MSH4: variants seen among roughly 807,000 people sequenced by gnomAD.
The protein encoded by MSH4 is mutS protein homolog 4.
In MSH4, 106 loss-of-function variants were observed where a neutral mutation model predicts 113.7. That is an observed-to-expected ratio of 0.93 (90% CI 0.80 to 1.10). The LOEUF (loss-of-function observed/expected upper bound fraction) is 1.10. MSH4 is among the 50% of genes least tolerant of loss of function. The pLI, the probability that MSH4 is intolerant of heterozygous loss-of-function variation, is 0.00. For synonymous variants in MSH4, 368 were observed against 380.2 expected, an observed-to-expected ratio of 0.97 and a Z score of 0.37; for missense variants, 1,061 against 1,093.7, an observed-to-expected ratio of 0.97 and a Z score of 0.42.
chr1:75,877,909 G>A (rs1379243509), intron 10 of MSH4, among the ~76,000 whole-genome samples: 1 of 152,184 alleles, frequency 6.6e-6, no homozygotes, highest in East Asian at 1.9e-4. Context: ...TCTATTAGCA[G>A]ATGTAGAATT....
chr1:75,813,068 G>A (rs1036475499), intron 4 of MSH4, among the ~76,000 whole-genome samples: 5 of 152,122 alleles, frequency 3.3e-5, no homozygotes, highest in African/African-American at 1.2e-4. Context: ...ACTTCTATGA[G>A]ATTTAAGAAG....
At position 75,906,512 on chromosome 1, in the gene MSH4, ATAATATGTAT is replaced by A. The variant is rs1652649057; in HGVS notation, c.2620-6183_2620-6174del. 3.4e-3 allele frequency among the ~76,000 whole-genome samples: 2 copies of A among 596 alleles called. 1 individual carries two copies. The highest frequency in any genetic ancestry group is 0.5 in the South Asian group (2 of 4). 0.4% of individuals were successfully genotyped at this position (596 alleles called of 152,430 possible). A position where few individuals can be genotyped will look rare whatever the true frequency, so the allele number is the denominator to read the frequency against. On this transcript the variant is annotated intron_variant, in intron 19 of 19. Transcript: ENST00000263187. ...ATTATATATTATATATATATAATATATAATATGTATATATTATATATAATATATATAATAT... is the reference window on the plus strand; with the variant it reads ...ATTATATATTATATATATATAATATAATATTATATATAATATATATAATAT...
At chr1:75,830,737 G>T (rs965825515) in intron 7 of MSH4, among the ~76,000 whole-genome samples, 2 of 152,146 alleles carry the variant, frequency 1.3e-5, no homozygotes, top group African/African-American at 4.8e-5. Flanking sequence ...ACAAACAAAT[G>T]CTGAGAGATT....
chr1:75,868,906 A>G (rs747346506), intron 9 of MSH4, among the ~76,000 whole-genome samples: 5 of 152,198 alleles, frequency 3.3e-5, no homozygotes, highest in Non-Finnish European at 7.3e-5. Flanking sequence ...TGTCTTTATT[A>G]GCAGCTGAGA....
intron 9 of MSH4, among the ~76,000 whole-genome samples, chr1:75,870,579 C>T (rs1651692321): frequency 1.3e-5 from 2 of 152,154 alleles, no homozygotes; most frequent in Non-Finnish European, 2.9e-5. Context: ...GAATAAGTCT[C>T]ACGAGATCTG....
At chr1:75,808,311 T>C (rs952335719) in intron 3 of MSH4, among the ~76,000 whole-genome samples, 9 of 152,214 alleles carry the variant, frequency 5.9e-5, no homozygotes, top group African/African-American at 2.2e-4. Context: ...TGACTAATTT[T>C]TTTGTGAATA....
At chr1:75,807,219 G>T in intron 3 of MSH4, 78 bp downstream of exon 3, 1 of 1,219,780 alleles carries the variant, frequency 8.2e-7, no homozygotes, top group South Asian at 2.4e-5. Flanking sequence ...TTCCCAATTT[G>T]TTTACTTTTT....
intron 19 of MSH4, among the ~76,000 whole-genome samples, chr1:75,906,686 G>C (rs1189686158): frequency 6.9e-6 from 1 of 144,338 alleles, no homozygotes; most frequent in Non-Finnish European, 1.5e-5. Flanking sequence ...AGAGAAGAAA[G>C]TAACAAACAA....
At chr1:75,852,109 A>G (rs1462559650) in intron 8 of MSH4, among the ~76,000 whole-genome samples, 1 of 152,204 alleles carries the variant, frequency 6.6e-6, no homozygotes, top group Admixed American at 6.5e-5. Context: ...TATCCTGGAC[A>G]TTTTATATAA....
intron 6 of MSH4, among the ~76,000 whole-genome samples, chr1:75,817,882 G>T (rs1650325767): frequency 6.6e-6 from 1 of 151,422 alleles, no homozygotes; most frequent in Non-Finnish European, 1.5e-5. Context: ...TAGTTTAAAT[G>T]GGTATGACAG....
intron 13 of MSH4, 133 bp from the exon 14 acceptor site, chr1:75,881,113 C>A: frequency 1.6e-6 from 1 of 628,922 alleles, no homozygotes; most frequent in Non-Finnish European, 2.5e-6. Flanking sequence ...GAACAATAGG[C>A]TTTATCTATA....
intron 9 of MSH4, among the ~76,000 whole-genome samples, chr1:75,876,235 T>C (rs1651815986): frequency 1.3e-5 from 2 of 152,146 alleles, no homozygotes; most frequent in Non-Finnish European, 2.9e-5. Flanking sequence ...ATAAAATTAT[T>C]TATTTTAGAT....
intron 19 of MSH4, among the ~76,000 whole-genome samples, chr1:75,903,809 T>C (rs11161853): frequency 0.49 from 74,998 of 151,876 alleles, 19,308 homozygotes; most frequent in African/African-American, 0.63. Flanking sequence ...ATGTCATCTG[T>C]AAAAAGGATA....
At chr1:75,826,153 G>T (rs1364129577) in intron 7 of MSH4, among the ~76,000 whole-genome samples, 3 of 152,122 alleles carry the variant, frequency 2.0e-5, no homozygotes, top group Non-Finnish European at 4.4e-5. Context: ...CTTGTTATTG[G>T]TCTAGTCACA....
In MSH4 at chr1:75,876,981, G is replaced by A. The variant is rs766917742; in HGVS notation, c.1351G>A (p.Gly451Ser). 16 of 1,563,372 alleles carry A rather than the reference G, an allele frequency of 1.0e-5. No homozygotes were observed. Among genetic ancestry groups the A allele is most frequent in the Non-Finnish European group, 1.4e-5 (16 of 1,155,380 alleles). The change falls in exon 10 of 20, where the codon GGT becomes AGT. Residue 451 changes from glycine (G) to serine (S), a missense_variant. Transcript: ENST00000263187. ...CACACCTTTATTAAGAGCTTACTAT[G>A]GTTCCTTGGAAGACAAGAGGTCTTT... is the stretch of plus-strand genomic sequence containing the variant. ...CNTPLLRAYY[G>S]SLEDKRFGII...
intron 17 of MSH4, among the ~76,000 whole-genome samples, chr1:75,892,769 G>A (rs953608095): frequency 1.3e-5 from 2 of 152,084 alleles, no homozygotes; most frequent in African/African-American, 4.8e-5. Flanking sequence ...CTACCAGGAA[G>A]AACCAGGCAT....
intron 9 of MSH4, among the ~76,000 whole-genome samples, chr1:75,874,928 T>A (rs959956796): frequency 6.6e-6 from 1 of 152,182 alleles, no homozygotes; most frequent in Non-Finnish European, 1.5e-5. Context: ...GGTCTCACTC[T>A]GTCACCCAGG....
chr1:75,825,422 G>A (rs1650524906), intron 7 of MSH4, among the ~76,000 whole-genome samples: 1 of 152,088 alleles, frequency 6.6e-6, no homozygotes, highest in Non-Finnish European at 1.5e-5. Context: ...GAGACAATTT[G>A]ACTTTCTCTC....
At chr1:75,819,487 CTAAA>C (rs993851894) in intron 6 of MSH4, among the ~76,000 whole-genome samples, 3 of 152,086 alleles carry the variant, frequency 2.0e-5, no homozygotes, top group Non-Finnish European at 4.4e-5. Flanking sequence ...AAGACTCTGT[CTAAA>C]TAAATAAATA....
Sources: allele counts gnomAD v4.1 joint callset (sites outside exome capture counted in the v4.1 genomes callset), GRCh38; gene constraint gnomAD v4.1.1; transcripts MANE v1.5; gene names NCBI Gene and HGNC (gene_info 2026-07-23, HGNC 2026-07-21).